BPI: variants seen among roughly 807,000 people sequenced by gnomAD.
The protein encoded by BPI is bactericidal permeability increasing protein.
A neutral mutation model predicts 57.6 loss-of-function variants in BPI; 48 were observed. The ratio of observed to expected loss-of-function variants is 0.83; its 90% CI spans 0.66 to 1.06. The LOEUF (loss-of-function observed/expected upper bound fraction) is 1.06, where lower values mean the gene tolerates loss of function less well. Ranked by LOEUF, BPI falls within the 50% of genes least tolerant of loss-of-function variation. BPI has a pLI of 0.00. For synonymous variants in BPI, 237 were observed against 238.2 expected (o/e 0.99, Z 0.05); for missense variants, 651 against 609.7 (o/e 1.07, Z -0.71).
chr20:38,324,169 C>A, intron 8 of BPI, 123 bp downstream of exon 8: 1 of 1,199,542 alleles, frequency 8.3e-7, no homozygotes, highest in Non-Finnish European at 1.1e-6. Context: ...ACTCTAGAGT[C>A]AGCTAGAGCT....
At chr20:38,320,732 G>A (rs940173705) in intron 7 of BPI, among the ~76,000 whole-genome samples, 2 of 150,780 alleles carry the variant, frequency 1.3e-5, no homozygotes, top group Admixed American at 6.6e-5. Context: ...CTATGATGAG[G>A]GAGAAGGGGC....
chr20:38,308,881 C>T (rs760562826), intron 2 of BPI, 49 bp from the exon 3 acceptor site: 11 of 1,609,872 alleles, frequency 6.8e-6, no homozygotes, highest in Admixed American at 1.7e-5. Flanking sequence ...CTCATGTGTG[C>T]ACCTAGGAGT....
At chr20:38,318,137 T>A in intron 5 of BPI, 1 of 777,048 alleles carries the variant, frequency 1.3e-6, no homozygotes, top group Non-Finnish European at 1.6e-6. Flanking sequence ...AAAAAAACCT[T>A]ATAAAATAGA....
chr20:38,322,865 C>G (rs2076693464), intron 7 of BPI, among the ~76,000 whole-genome samples: 1 of 152,170 alleles, frequency 6.6e-6, no homozygotes, highest in South Asian at 2.1e-4. Context: ...CTGCCTTGGC[C>G]TCCCAAAATG....
intron 3 of BPI, 73 bp downstream of exon 3, chr20:38,309,131 T>C (rs2076610506): frequency 3.8e-6 from 6 of 1,599,948 alleles, no homozygotes; most frequent in Non-Finnish European, 5.1e-6. Context: ...AGTCAGCGTC[T>C]CTGGAATGCC....
chr20:38,307,779 A>G, intron 2 of BPI, 98 bp downstream of exon 2: 1 of 988,012 alleles, frequency 1.0e-6, no homozygotes, highest in African/African-American at 1.7e-5. Flanking sequence ...CTCAACTCAC[A>G]GAGTTTCATA....
chr20:38,304,448 C>A, intron 1 of BPI, 95 bp downstream of exon 1: 1 of 1,483,720 alleles, frequency 6.7e-7, no homozygotes. Flanking sequence ...ACCTGGCACA[C>A]TCATAGCACC....
intron 14 of BPI, among the ~76,000 whole-genome samples, chr20:38,336,098 T>C (rs2076766321): frequency 6.6e-6 from 1 of 152,216 alleles, no homozygotes; most frequent in Non-Finnish European, 1.5e-5. Context: ...GAAGTCTCCT[T>C]CGTGGCTTTC....
At chr20:38,315,940 C>T (rs2076649978) in intron 5 of BPI, among the ~76,000 whole-genome samples, 1 of 151,478 alleles carries the variant, frequency 6.6e-6, no homozygotes. Context: ...TCAAGAGATT[C>T]TCCTGCCTCA....
At chr20:38,313,613 G>A (rs6024795) in intron 5 of BPI, among the ~76,000 whole-genome samples, 10 of 152,276 alleles carry the variant, frequency 6.6e-5, no homozygotes, top group African/African-American at 2.2e-4. Context: ...CCATCTAAAG[G>A]TGGCCCCTCT....
chr20:38,309,899 G>C (rs780775616), intron 3 of BPI, among the ~76,000 whole-genome samples: 91 of 152,170 alleles, frequency 6.0e-4, no homozygotes, highest in South Asian at 1.0e-3. Flanking sequence ...GAGTCTGCCC[G>C]CCCTTACAAG....
chr20:38,310,413 C>G, intron 3 of BPI, 78 bp from the exon 4 acceptor site: 2 of 1,534,674 alleles, frequency 1.3e-6, no homozygotes, highest in Non-Finnish European at 1.8e-6. Context: ...ACAAAACCCG[C>G]CTTCCAGCAC....
At chr20:38,318,290 T>C (rs2076662540) in intron 5 of BPI, 123 bp from the exon 6 acceptor site, 1 of 1,231,082 alleles carries the variant, frequency 8.1e-7, no homozygotes, top group African/African-American at 1.5e-5. Flanking sequence ...AAGGGAAACT[T>C]GATTGGCTAC....
chr20:38,326,155 G>C (rs746106417), intron 9 of BPI, 110 bp from the exon 10 acceptor site: 1 of 1,146,416 alleles, frequency 8.7e-7, no homozygotes, highest in Non-Finnish European at 1.2e-6. Context: ...TATTCTAAGA[G>C]CAATGGGAAG....
At chr20:38,315,341 G>C (rs981467029) in intron 5 of BPI, among the ~76,000 whole-genome samples, 1 of 152,190 alleles carries the variant, frequency 6.6e-6, no homozygotes, top group East Asian at 1.9e-4. Flanking sequence ...ATGCCAGGAG[G>C]GTCTGGAAAT....
Position 38,321,138 on chromosome 20 carries a change from TTGGTGGATGGATGGATGGA to T in BPI, c.756+868_756+886del, listed in dbSNP as rs1417804314. On this transcript the variant is annotated intron_variant, in intron 7 of 14. Transcript: ENST00000642449. ...GTAGGTGGATGGGTGGGTGGGTGTA[TTGGTGGATGGATGGATGGA>T]TGGATGGATGGATGGATGGATGGAT... Among the ~76,000 whole-genome samples, 8 of 109,720 alleles carry T rather than the reference TTGGTGGATGGATGGATGGA, an allele frequency of 7.3e-5. No homozygotes were observed. In the East Asian group the frequency reaches 2.7e-3, roughly 36 times the overall value. The allele number at this position is 109,720 out of a possible 152,430, so 72.0% of individuals were successfully genotyped here. A position where few individuals can be genotyped will look rare whatever the true frequency, so the allele number is the denominator to read the frequency against.
In BPI at chr20:38,323,863, C is replaced by A; in HGVS notation, c.757-7C>A. The A allele has an allele frequency of 2.5e-6, 4 of 1,613,246 alleles. No individual in the cohort carries two copies. Among genetic ancestry groups the A allele is most frequent in the Non-Finnish European group, 3.4e-6 (4 of 1,179,540 alleles). On this transcript the variant is annotated splice_polypyrimidine_tract_variant and splice_region_variant and intron_variant, in intron 7 of 14. Coordinates refer to ENST00000642449, the MANE Select transcript of BPI (RefSeq NM_001725.3). ...ATCTGGGCTCACTCTGTTGCCTCTA[C>A]CCCCAGGGGGAGTTTTACAGTGAGA... is the stretch of plus-strand genomic sequence containing the variant.
rs140035857 is a variant in BPI, at chr20:38,304,241, C to T, written c.18C>T (p.Cys6=). The T allele has an allele frequency of 4.3e-6, 7 of 1,614,064 alleles. No homozygotes were observed. In the African/African-American group the frequency reaches 9.3e-5, roughly 22 times the overall value. The stretch of plus-strand genomic sequence containing the variant: ...GAGAGAACATGGCCAGGGGCCCTTG[C>T]AACGCGCCGAGATGGGCGTCCCTGA... MARGP[C]NAPRWASLMV... is the part of the protein sequence containing the mutation. The change falls in exon 1 of 15, where the codon TGC becomes TGT. Residue 6 remains cysteine (C), a synonymous_variant. Transcript: ENST00000642449.
At chr20:38,328,583 C>A (rs2076725675) in intron 11 of BPI, among the ~76,000 whole-genome samples, 1 of 151,230 alleles carries the variant, frequency 6.6e-6, no homozygotes, top group African/African-American at 2.4e-5. Flanking sequence ...AATTACTTTG[C>A]CAACAGCATT....
Sources: gnomAD v4.1 joint callset for allele counts (sites outside exome capture counted in the v4.1 genomes callset) on GRCh38, gnomAD v4.1.1 for gene constraint, MANE v1.5 for transcripts, NCBI Gene and HGNC (gene_info 2026-07-23, HGNC 2026-07-21) for gene names.